The following ZNF43 variants were observed in gnomAD, a reference collection of about 807,000 sequenced individuals.
The protein encoded by ZNF43 is zinc finger protein 43.
ZNF43 carries 44 observed loss-of-function variants against 68.4 expected under a neutral mutation model. That is an observed-to-expected ratio of 0.64 (90% CI 0.51 to 0.83). The LOEUF (loss-of-function observed/expected upper bound fraction) is 0.83. Among genes scored for constraint, ZNF43 ranks in the 40% least tolerant of loss-of-function variants. ZNF43 has a pLI of 0.00. For synonymous variants in ZNF43, 308 were observed against 307.8 expected, an observed-to-expected ratio of 1.00 and a Z score of -0.01; for missense variants, 896 against 933.2, an observed-to-expected ratio of 0.96 and a Z score of 0.52.
chr19:21,808,720 T>A lies in ZNF43; in HGVS notation c.1317A>T (p.Ser439=). 6.2e-7 allele frequency: 1 copy of A among 1,612,998 alleles called. No homozygotes were observed. Among genetic ancestry groups the A allele is most frequent in the Non-Finnish European group, 8.5e-7 (1 of 1,179,822 alleles). The change falls in exon 4 of 4, where the codon TCA becomes TCT. Residue 439 remains serine (S), a synonymous_variant. Coordinates refer to ENST00000354959, the MANE Select transcript of ZNF43 (RefSeq NM_003423.4). Reference sequence around the variant, plus strand: ...GAATTCTGTTATGTTTAGTAAGGGTTGAGGGCCAGTTAAAGGCTTTGCCAC... The same window carrying A: ...GAATTCTGTTATGTTTAGTAAGGGTAGAGGGCCAGTTAAAGGCTTTGCCAC... The part of the protein sequence containing the change: ...EECGKAFNWP[S]TLTKHNRIHT...
chr19:21,839,468 T>C (rs1011482607), upstream of ZNF43: 2 of 151,756 alleles, frequency 1.3e-5, no homozygotes, highest in East Asian at 1.9e-4. Flanking sequence ...CTAAGCGATA[T>C]GTTACAGTCC....
At chr19:21,847,943 C>A (rs887306021) in intron 1 of ZNF43, among the ~76,000 whole-genome samples, 1 of 151,986 alleles carries the variant, frequency 6.6e-6, no homozygotes, top group African/African-American at 2.4e-5. Flanking sequence ...CTGTCTCAGC[C>A]TCCCAAGTCA....
intron 1 of ZNF43, 32 bp downstream of exon 1, chr19:21,836,004 C>G: frequency 6.2e-7 from 1 of 1,613,840 alleles, no homozygotes. Flanking sequence ...CAGCCCCTTC[C>G]CCCTCTCGGG....
At chr19:21,828,868 C>T (rs1169985222) in intron 1 of ZNF43, among the ~76,000 whole-genome samples, 1 of 151,242 alleles carries the variant, frequency 6.6e-6, no homozygotes, top group African/African-American at 2.4e-5. Context: ...CCCGTCTCTA[C>T]TAAAAATACA....
chr19:21,809,888 C>A (rs1388766250), intron 3 of ZNF43, 81 bp from the exon 4 acceptor site: 2 of 1,323,642 alleles, frequency 1.5e-6, no homozygotes, highest in Non-Finnish European at 2.0e-6. Flanking sequence ...TAAAATCACA[C>A]AAGCTACATA....
intron 3 of ZNF43, among the ~76,000 whole-genome samples, chr19:21,810,349 C>G (rs981888411): frequency 6.6e-6 from 1 of 152,146 alleles, no homozygotes; most frequent in Non-Finnish European, 1.5e-5. Flanking sequence ...GAGCCAGGTT[C>G]TTTTAATGAA....
intron 3 of ZNF43, among the ~76,000 whole-genome samples, chr19:21,815,904 C>A: frequency 6.6e-6 from 1 of 151,382 alleles, no homozygotes. Context: ...ACTTAAAATA[C>A]AAAAAAATTA....
chr19:21,852,038 G>A, exon 1 of ZNF43: 10 of 1,311,992 alleles, frequency 7.6e-6, no homozygotes, highest in Middle Eastern at 2.6e-4. Context: ...GCAGAGGCGG[G>A]TCCCAAGGTC....
At chr19:21,817,037 C>T (rs1233620208) in intron 3 of ZNF43, among the ~76,000 whole-genome samples, 1 of 151,972 alleles carries the variant, frequency 6.6e-6, no homozygotes, top group East Asian at 1.9e-4. Context: ...GGTCAGGAGT[C>T]TGAGACCAAC....
At chr19:21,849,049 G>A (rs1229202343) in intron 1 of ZNF43, among the ~76,000 whole-genome samples, 1 of 152,192 alleles carries the variant, frequency 6.6e-6, no homozygotes, top group Non-Finnish European at 1.5e-5. Context: ...TGAGATTCAG[G>A]ACCTCACCAG....
Position 21,809,010 on chromosome 19 carries a change from T to G in ZNF43, c.1027A>C (p.Thr343Pro). The stretch of plus-strand genomic sequence containing the variant: ...AAGGCTTTGCCACATTCTTCACATG[T>G]GTAGGGTTTCTCTCCAGTATGAATT... The part of the protein sequence containing the change: ...KRIHTGEKPY[T>P]CEECGKAFNQ... The change falls in exon 4 of 4, where the codon ACA becomes CCA. Residue 343 changes from threonine to proline, a missense_variant. By Grantham distance (38) the Thr-to-Pro change is conservative. Coordinates refer to ENST00000354959, the MANE Select transcript of ZNF43 (RefSeq NM_003423.4). 6.2e-7 allele frequency: 1 copy of G among 1,613,626 alleles called. No individual in the cohort carries two copies. Among genetic ancestry groups the G allele is most frequent in the Non-Finnish European group, 8.5e-7 (1 of 1,179,762 alleles).
At chr19:21,835,355 G>GTTTTT (rs554756455) in intron 1 of ZNF43, among the ~76,000 whole-genome samples, 3 of 119,604 alleles carry the variant, frequency 2.5e-5, no homozygotes, top group Admixed American at 8.8e-5. Flanking sequence ...ATCTAGTTTA[G>GTTTTT]TTTTTTTTTT....
chr19:21,844,921 A>AAAAAAAAAATATATATATATAT (rs1310761266), intron 1 of ZNF43, among the ~76,000 whole-genome samples: 1 of 26,050 alleles, frequency 3.8e-5, no homozygotes, highest in African/African-American at 2.2e-4. Flanking sequence ...AAAAAAAAAA[A>AAAAAAAAAATATATATATATAT]ATATATATAT....
intron 1 of ZNF43, among the ~76,000 whole-genome samples, chr19:21,849,527 C>CA (rs1251144909): frequency 3.0e-5 from 4 of 134,804 alleles, no homozygotes; most frequent in Non-Finnish European, 4.7e-5. Context: ...TGGTAATTCT[C>CA]AGTTGGGCAT....
rs1179746771 is a variant in ZNF43 at position 21,852,033 on chromosome 19, G to C, written c.-99C>G. 14 of 1,375,032 alleles carry C rather than the reference G, an allele frequency of 1.0e-5. No homozygotes were observed. In the East Asian group the frequency reaches 1.1e-4, roughly 10 times the overall value. The allele number at this position is 1,375,032 out of a possible 1,614,324, so 85.2% of individuals were successfully genotyped here. On this transcript the variant is annotated 5_prime_UTR_variant, in exon 1 of 4. Transcript: ENST00000357491. ...GAGTTGGAGAACGCGGAAAAGCAGA[G>C]GCGGGTCCCAAGGTCTAGCGGGAGC...
At position 21,836,085 on chromosome 19, in the gene ZNF43, A is replaced by G. The variant is rs748590335; in HGVS notation, c.-47T>C. 3.7e-6 allele frequency: 6 copies of G among 1,613,250 alleles called. No individual in the cohort carries two copies. Reference sequence around the variant, plus strand: ...TGGCGTCTTAGCTGTGGATCCCCCAATACCCGCAGGTCACAGAGCCACAGA... The same window carrying G: ...TGGCGTCTTAGCTGTGGATCCCCCAGTACCCGCAGGTCACAGAGCCACAGA... On this transcript the variant is annotated 5_prime_UTR_variant, in exon 1 of 4. Coordinates refer to ENST00000354959, the MANE Select transcript of ZNF43 (RefSeq NM_003423.4).
chr19:21,844,645 C>T (rs181060267), intron 1 of ZNF43, among the ~76,000 whole-genome samples: 2,988 of 151,604 alleles, frequency 0.02, 46 homozygotes, highest in South Asian at 0.028. Context: ...CACCTGTAAT[C>T]CCAGCACTTT....
At chr19:21,815,802 T>C (rs1353337837) in intron 3 of ZNF43, among the ~76,000 whole-genome samples, 1 of 152,016 alleles carries the variant, frequency 6.6e-6, no homozygotes, top group Admixed American at 6.6e-5. Flanking sequence ...CTCATGCCTG[T>C]AATCCCAGCA....
chr19:21,843,954 A>G (rs1967721681), intron 1 of ZNF43, among the ~76,000 whole-genome samples: 1 of 152,122 alleles, frequency 6.6e-6, no homozygotes, highest in African/African-American at 2.4e-5. Flanking sequence ...AAGGGATGAC[A>G]ATATTTACTG....
Sources: gnomAD v4.1 joint callset for allele counts (sites outside exome capture counted in the v4.1 genomes callset) on GRCh38, gnomAD v4.1.1 for gene constraint, MANE v1.5 for transcripts, NCBI Gene and HGNC (gene_info 2026-07-23, HGNC 2026-07-21) for gene names.